The following ARSB variants were observed in gnomAD, a reference collection of about 807,000 sequenced individuals.
ARSB encodes the protein N-acetylgalactosamine-4-sulfatase.
A neutral mutation model predicts 50.9 loss-of-function variants in ARSB; 41 were observed. The observed-to-expected ratio is 0.81, with a 90% CI of 0.63 to 1.04. ARSB has a LOEUF of 1.04. ARSB is among the 50% of genes least tolerant of loss of function. The probability of loss-of-function intolerance (pLI) is 0.00; values close to 1 mark genes in which losing one functional copy is unlikely to be tolerated. For synonymous variants in ARSB, 269 were observed against 284.8 expected (o/e 0.94, Z 0.56); for missense variants, 672 against 693.3 (o/e 0.97, Z 0.35).
intron 4 of ARSB, among the ~76,000 whole-genome samples, chr5:78,898,819 G>C (rs337876): frequency 0.72 from 109,628 of 152,204 alleles, 40,283 homozygotes; most frequent in East Asian, 0.98. Flanking sequence ...GAGCTTCATA[G>C]TAGAGTTATG....
chr5:78,867,333 G>A (rs1386229250), intron 5 of ARSB, among the ~76,000 whole-genome samples: 1 of 151,828 alleles, frequency 6.6e-6, no homozygotes, highest in East Asian at 1.9e-4. Context: ...AAGGAGGCCT[G>A]CCTGCCTCTG....
In ARSB at chr5:78,866,876, C is replaced by T. The variant is rs571206690; in HGVS notation, c.1142+18708G>A. 9.1e-4 allele frequency among the ~76,000 whole-genome samples: 138 copies of T among 152,326 alleles called. 1 individual carries two copies. The highest frequency in any genetic ancestry group is 3.4e-3 in the Middle Eastern group (1 of 294). On this transcript the variant is annotated intron_variant, in intron 5 of 7. Transcript: ENST00000264914. ...CTCCCAGCATGAGCGACGCAGAAGA[C>T]GGGTGATTTCTGCATTTCCATCTGA... is the stretch of plus-strand genomic sequence containing the variant.
At chr5:78,927,465 G>T in intron 4 of ARSB, among the ~76,000 whole-genome samples, 1 of 152,096 alleles carries the variant, frequency 6.6e-6, no homozygotes, top group East Asian at 1.9e-4. Context: ...AGCTCTTCCT[G>T]CCATTTTCTT....
chr5:78,913,776 A>T (rs546823992), intron 4 of ARSB, among the ~76,000 whole-genome samples: 12 of 152,290 alleles, frequency 7.9e-5, no homozygotes, highest in African/African-American at 2.4e-4. Flanking sequence ...CTGGGGGAAA[A>T]AAAATTTCTT....
intron 5 of ARSB, among the ~76,000 whole-genome samples, chr5:78,874,493 G>C (rs1455703892): frequency 6.6e-6 from 1 of 151,818 alleles, no homozygotes; most frequent in African/African-American, 2.4e-5. Flanking sequence ...TGGAACCTAA[G>C]TAAGAAAAAA....
chr5:78,820,147 T>G (rs955559876), intron 6 of ARSB, among the ~76,000 whole-genome samples: 1 of 152,196 alleles, frequency 6.6e-6, no homozygotes, highest in African/African-American at 2.4e-5. Flanking sequence ...GGGCACCATC[T>G]TGGAAGCAGA....
At chr5:78,980,725 A>AGTGTGT (rs1315709564) in intron 1 of ARSB, among the ~76,000 whole-genome samples, 293 of 91,984 alleles carry the variant, frequency 3.2e-3, no homozygotes, top group Admixed American at 7.0e-3. Flanking sequence ...TGTCTAAGGA[A>AGTGTGT]GTGTGTGTAT....
chr5:78,925,051 G>A (rs1177849129), intron 4 of ARSB, among the ~76,000 whole-genome samples: 8 of 152,160 alleles, frequency 5.3e-5, no homozygotes, highest in Admixed American at 5.2e-4. Flanking sequence ...CTCCAAGGAA[G>A]AGGCTGTTTA....
intron 6 of ARSB, among the ~76,000 whole-genome samples, chr5:78,825,389 G>C (rs1379802773): frequency 6.6e-6 from 1 of 151,852 alleles, no homozygotes; most frequent in African/African-American, 2.4e-5. Flanking sequence ...CTCAATGCAG[G>C]GTAAATGCTG....
At chr5:78,867,500 G>A (rs1232462939) in intron 5 of ARSB, among the ~76,000 whole-genome samples, 2 of 152,214 alleles carry the variant, frequency 1.3e-5, no homozygotes, top group South Asian at 4.1e-4. Context: ...CCACAAGTGG[G>A]TCCCTGACCC....
At chr5:78,874,020 T>C (rs1747367984) in intron 5 of ARSB, among the ~76,000 whole-genome samples, 1 of 152,164 alleles carries the variant, frequency 6.6e-6, no homozygotes, top group South Asian at 2.1e-4. Flanking sequence ...AAAATCAGGC[T>C]GATATTAGAC....
intron 4 of ARSB, among the ~76,000 whole-genome samples, chr5:78,949,106 C>T (rs1751382582): frequency 6.6e-6 from 1 of 152,172 alleles, no homozygotes; most frequent in South Asian, 2.1e-4. Context: ...TCCACTGCTG[C>T]AGGTGGTCCC....
chr5:78,835,508 C>T (rs532990356), intron 6 of ARSB, among the ~76,000 whole-genome samples: 1 of 152,162 alleles, frequency 6.6e-6, no homozygotes, highest in Admixed American at 6.5e-5. Context: ...AAAAGCGGAT[C>T]GATACGGTGA....
chr5:78,792,378 CAA>C (rs1178658652), intron 6 of ARSB, among the ~76,000 whole-genome samples: 80 of 105,440 alleles, frequency 7.6e-4, no homozygotes, highest in African/African-American at 8.4e-4. Context: ...GAATCTGTCG[CAA>C]AAAAAAAAAA....
chr5:78,905,344 G>GTCTTTTTTTTTTTT (rs1554081217), intron 4 of ARSB, among the ~76,000 whole-genome samples: 1 of 130,544 alleles, frequency 7.7e-6, no homozygotes, highest in African/African-American at 2.8e-5. Context: ...GTATTTTCCT[G>GTCTTTTTTTTTTTT]TTTTTTTTTT....
At chr5:78,943,826 C>A (rs186093766) in intron 4 of ARSB, among the ~76,000 whole-genome samples, 70 of 152,274 alleles carry the variant, frequency 4.6e-4, no homozygotes, top group African/African-American at 1.4e-3. Flanking sequence ...TGTTGGCCTG[C>A]CTTGCTAGAC....
At chr5:78,790,033 A>G (rs1749194697) in intron 6 of ARSB, among the ~76,000 whole-genome samples, 1 of 152,176 alleles carries the variant, frequency 6.6e-6, no homozygotes, top group Non-Finnish European at 1.5e-5. Context: ...GGGAGGGTCT[A>G]GAGGCATTTC....
intron 4 of ARSB, among the ~76,000 whole-genome samples, chr5:78,933,163 T>A (rs1750415822): frequency 6.6e-6 from 1 of 152,142 alleles, no homozygotes; most frequent in South Asian, 2.1e-4. Context: ...GCTCAATAAA[T>A]GAAGGTGAGT....
At chr5:78,825,332 G>T (rs947607402) in intron 6 of ARSB, among the ~76,000 whole-genome samples, 2 of 151,822 alleles carry the variant, frequency 1.3e-5, no homozygotes, top group African/African-American at 2.4e-5. Flanking sequence ...TTCTAAATTG[G>T]TTTTCACTGT....
Sources: gnomAD v4.1 joint callset for allele counts (sites outside exome capture counted in the v4.1 genomes callset) on GRCh38, gnomAD v4.1.1 for gene constraint, MANE v1.5 for transcripts, NCBI Gene and HGNC (gene_info 2026-07-23, HGNC 2026-07-21) for gene names.